Variants in GBE1 observed in about 807,000 individuals in gnomAD.
GBE1 encodes the protein 1,4-alpha-glucan-branching enzyme.
GBE1 carries 70 observed loss-of-function variants against 88.8 expected under a neutral mutation model. The ratio of observed to expected loss-of-function variants is 0.79; its 90% CI spans 0.65 to 0.96. GBE1 has a LOEUF of 0.96. GBE1 is among the 40% of genes least tolerant of loss of function. The probability of loss-of-function intolerance (pLI) is 0.00; values close to 1 mark genes in which losing one functional copy is unlikely to be tolerated. For missense variants in GBE1, 872 were observed against 871.0 expected, an observed-to-expected ratio of 1.00 and a Z score of -0.01; for synonymous variants, 284 against 300.1, an observed-to-expected ratio of 0.95 and a Z score of 0.56.
chr3:81,735,754 T>C (rs1310509776), intron 1 of GBE1, among the ~76,000 whole-genome samples: 35 of 152,170 alleles, frequency 2.3e-4, no homozygotes, highest in Non-Finnish European at 1.5e-5. Flanking sequence ...TTTCATGTCC[T>C]TTCTCAAGGG....
chr3:81,604,975 T>C (rs1190011788), intron 7 of GBE1, among the ~76,000 whole-genome samples: 1 of 152,144 alleles, frequency 6.6e-6, no homozygotes, highest in Non-Finnish European at 1.5e-5. Flanking sequence ...TGGGCATTCA[T>C]GCAAACATAT....
chr3:81,638,315 G>A lies in GBE1; in HGVS notation c.992+4466C>T, dbSNP rs556222494. 6.6e-4 allele frequency among the ~76,000 whole-genome samples: 100 copies of A among 152,104 alleles called. 1 individual carries two copies. The highest frequency in any genetic ancestry group is 1.3e-3 in the Non-Finnish European group (88 of 67,976). On this transcript the variant is annotated intron_variant, in intron 7 of 15. Coordinates refer to ENST00000429644, the MANE Select transcript of GBE1 (RefSeq NM_000158.4). ...ACATAAGTTTAAGGAGGAAAAACAT[G>A]AGCATTAGATCTACTTTGCTATCTC... is the stretch of plus-strand genomic sequence containing the variant.
intron 5 of GBE1, among the ~76,000 whole-genome samples, chr3:81,646,956 CTTTTT>C (rs34290906): frequency 7.6e-6 from 1 of 132,438 alleles, no homozygotes; most frequent in Non-Finnish European, 1.6e-5. Flanking sequence ...CATAAGGTAG[CTTTTT>C]TTTTTTTTTT....
chr3:81,516,768 T>C (rs1702803609), intron 14 of GBE1, among the ~76,000 whole-genome samples: 1 of 151,642 alleles, frequency 6.6e-6, no homozygotes, highest in South Asian at 2.1e-4. Context: ...CCAACTCTCA[T>C]AGATGACTTT....
intron 1 of GBE1, among the ~76,000 whole-genome samples, chr3:81,761,110 C>T (rs865999323): frequency 6.6e-6 from 1 of 152,238 alleles, no homozygotes; most frequent in Non-Finnish European, 1.5e-5. Flanking sequence ...CCCTATGGCG[C>T]AAGACCGCTG....
chr3:81,732,080 T>C (rs1340713104), intron 1 of GBE1, among the ~76,000 whole-genome samples: 1 of 152,210 alleles, frequency 6.6e-6, no homozygotes, highest in Admixed American at 6.5e-5. Context: ...GACAATTGTC[T>C]GCTTTGTTTA....
At chr3:81,639,480 G>A (rs752829958) in intron 7 of GBE1, among the ~76,000 whole-genome samples, 1 of 151,836 alleles carries the variant, frequency 6.6e-6, no homozygotes, top group South Asian at 2.1e-4. Context: ...TAGCATATTC[G>A]TTGTGTGTGG....
chr3:81,539,262 A>G (rs1027477915), intron 12 of GBE1, among the ~76,000 whole-genome samples: 9 of 151,992 alleles, frequency 5.9e-5, no homozygotes, highest in Admixed American at 6.6e-5. Context: ...AGAATGACCA[A>G]CTTCTCATAC....
intron 12 of GBE1, among the ~76,000 whole-genome samples, chr3:81,539,155 G>A (rs1176777227): frequency 1.3e-5 from 2 of 151,908 alleles, no homozygotes; most frequent in African/African-American, 4.8e-5. Flanking sequence ...TAAGGAGTTG[G>A]GCCTGTGAAC....
At chr3:81,513,377 A>G (rs1702750370) in intron 14 of GBE1, among the ~76,000 whole-genome samples, 1 of 151,488 alleles carries the variant, frequency 6.6e-6, no homozygotes, top group Non-Finnish European at 1.5e-5. Flanking sequence ...GAAAGGACTG[A>G]AAGGAATCAC....
At chr3:81,506,567 G>A (rs1177886460) in intron 14 of GBE1, among the ~76,000 whole-genome samples, 1 of 151,972 alleles carries the variant, frequency 6.6e-6, no homozygotes, top group African/African-American at 2.4e-5. Context: ...CTCGTTACAG[G>A]GTACATACTC....
At chr3:81,576,352 T>G (rs569402180) in intron 12 of GBE1, among the ~76,000 whole-genome samples, 106 of 152,306 alleles carry the variant, frequency 7.0e-4, no homozygotes, top group Middle Eastern at 3.4e-3. Flanking sequence ...TATCATCTTC[T>G]ATTTTATGTA....
rs550321503 is a variant in GBE1, at chr3:81,737,201, A to C, written c.143+24174T>G. On this transcript the variant is annotated intron_variant, in intron 1 of 15. Coordinates refer to ENST00000429644, the MANE Select transcript of GBE1 (RefSeq NM_000158.4). ...ACGTGTAAATCAGAAGGCCAGAGAA[A>C]TGGTCTGGGGTATAGATATAAATTT... is the stretch of plus-strand genomic sequence containing the variant. Among the ~76,000 whole-genome samples the C allele has an allele frequency of 2.3e-4, 35 of 149,588 alleles. No homozygotes were observed. In the East Asian group the frequency reaches 6.6e-3, roughly 28 times the overall value.
intron 7 of GBE1, among the ~76,000 whole-genome samples, chr3:81,637,904 G>A (rs1195579174): frequency 6.6e-6 from 1 of 151,936 alleles, no homozygotes; most frequent in East Asian, 1.9e-4. Flanking sequence ...ATGGTCATGA[G>A]GGCTTACCTC....
chr3:81,726,318 C>T (rs567364815), intron 1 of GBE1, among the ~76,000 whole-genome samples: 5 of 152,002 alleles, frequency 3.3e-5, no homozygotes, highest in Admixed American at 2.6e-4. Flanking sequence ...AGTGCCACTG[C>T]TTTTAGTATT....
At chr3:81,691,527 G>A (rs1262845642) in intron 2 of GBE1, among the ~76,000 whole-genome samples, 5 of 152,148 alleles carry the variant, frequency 3.3e-5, no homozygotes, top group African/African-American at 9.7e-5. Flanking sequence ...CAAGAAGGCC[G>A]AGGCAGGAGG....
intron 7 of GBE1, among the ~76,000 whole-genome samples, chr3:81,630,269 G>A (rs1168016463): frequency 6.6e-6 from 1 of 152,026 alleles, no homozygotes; most frequent in African/African-American, 2.4e-5. Context: ...AAATAAAAGA[G>A]GATACAAACA....
chr3:81,540,444 A>T (rs1703129411), intron 12 of GBE1, among the ~76,000 whole-genome samples: 4 of 152,030 alleles, frequency 2.6e-5, no homozygotes. Context: ...TATGCCACTT[A>T]TAAGTGATGT....
intron 1 of GBE1, among the ~76,000 whole-genome samples, chr3:81,755,073 T>C (rs1706583846): frequency 6.6e-6 from 1 of 151,942 alleles, no homozygotes; most frequent in Admixed American, 6.6e-5. Context: ...CTGCAAACTA[T>C]CAGATAAGAG....
Sources: gnomAD v4.1 joint callset for allele counts (sites outside exome capture counted in the v4.1 genomes callset) on GRCh38, gnomAD v4.1.1 for gene constraint, MANE v1.5 for transcripts, NCBI Gene and HGNC (gene_info 2026-07-23, HGNC 2026-07-21) for gene names.